Variants in NDUFS3 observed in about 807,000 individuals in gnomAD.
The protein encoded by NDUFS3 is NADH dehydrogenase [ubiquinone] iron-sulfur protein 3, mitochondrial.
A neutral mutation model predicts 30.8 loss-of-function variants in NDUFS3; 19 were observed. The observed-to-expected ratio is 0.62, with a 90% confidence interval of 0.43 to 0.91. The LOEUF (loss-of-function observed/expected upper bound fraction) is 0.91, where lower values mean the gene tolerates loss of function less well. Ranked by LOEUF, NDUFS3 falls within the 40% of genes least tolerant of loss-of-function variation. The pLI is 0.00. For synonymous variants in NDUFS3, 153 were observed against 135.8 expected (o/e 1.13, Z -0.88); for missense variants, 331 against 342.0 (o/e 0.97, Z 0.25).
Position 47,579,079 on chromosome 11 carries a change from G to A in NDUFS3, c.-13G>A. The A allele has an allele frequency of 1.3e-6, 2 of 1,558,464 alleles. No individual in the cohort carries two copies. The highest frequency in any genetic ancestry group is 8.7e-7 in the Non-Finnish European group (1 of 1,152,358). On this transcript the variant is annotated 5_prime_UTR_variant, in exon 1 of 7. Transcript: ENST00000263774. ...TGTCTTTCCGTCCGCTGCCTAGTCT[G>A]CATCTGAGTAACATGGCGGCGGCGG...
rs1168431410 is a variant in NDUFS3 at position 47,579,167 on chromosome 11, G to T, written c.67+9G>T. On this transcript the variant is annotated intron_variant, in intron 1 of 6. Transcript: ENST00000263774. ...CTCGGCGCTGACCAGGGGTGAGCAC[G>T]GGCAGCCAGCTGAGACCGGGGTCAG... The T allele has an allele frequency of 6.2e-7, 1 of 1,611,550 alleles. No homozygotes were observed. Among genetic ancestry groups the T allele is most frequent in the Non-Finnish European group, 8.5e-7 (1 of 1,179,198 alleles).
chr11:47,584,432 C>T lies in NDUFS3; in HGVS notation c.746C>T (p.Pro249Leu), dbSNP rs9600. ...WEAFPVYRQP[P>L]ESLKLEAGDK... ...GCTTTCCCAGTCTATCGCCAACCCC[C>T]GGAGAGTCTCAAGCTTGAAGCCGGA... The change falls in exon 7 of 7, where the codon CCG (proline) becomes CTG (leucine). Residue 249 changes from proline to leucine, a missense_variant. By Grantham distance (98) the Pro-to-Leu change is moderately conservative. Transcript: ENST00000263774. 2.7e-5 allele frequency: 43 copies of T among 1,613,982 alleles called. No homozygotes were observed. In the African/African-American group the frequency reaches 3.1e-4, roughly 12 times the overall value.
chr11:47,583,649 C>A (rs192143465), intron 6 of NDUFS3, among the ~76,000 whole-genome samples: 1 of 152,294 alleles, frequency 6.6e-6, no homozygotes, highest in Non-Finnish European at 1.5e-5. Context: ...ATGTGGTGCT[C>A]CAGCCCTGCT....
intron 6 of NDUFS3, among the ~76,000 whole-genome samples, chr11:47,583,710 T>C (rs539796624): frequency 9.2e-5 from 14 of 152,196 alleles, no homozygotes; most frequent in Non-Finnish European, 1.3e-4. Flanking sequence ...ATGCTCCTAT[T>C]TCCCTCTTGG....
At chr11:47,581,257 G>A (rs2097268674) in intron 4 of NDUFS3, 2 of 425,338 alleles carry the variant, frequency 4.7e-6, no homozygotes, top group African/African-American at 2.0e-5. Flanking sequence ...AGGTTCAAGC[G>A]ATTCCCCTGC....
chr11:47,580,808 C>G (rs2097268363), intron 3 of NDUFS3, 27 bp from the exon 4 acceptor site: 1 of 1,614,120 alleles, frequency 6.2e-7, no homozygotes, highest in East Asian at 2.2e-5. Flanking sequence ...CTCTTTGTTC[C>G]CTCTCCCCTC....
At chr11:47,584,181 A>C (rs1369791177) in intron 6 of NDUFS3, 133 bp from the exon 7 acceptor site, 2 of 1,167,412 alleles carry the variant, frequency 1.7e-6, no homozygotes, top group Non-Finnish European at 2.6e-6. Context: ...ACTTACTGAC[A>C]GAGGCTGGGA....
rs747180028 is a variant in NDUFS3, at chr11:47,582,461, A to G, written c.620A>G (p.Tyr207Cys). The change falls in exon 6 of 7, where the codon TAT becomes TGT. Residue 207 changes from tyrosine to cysteine, a missense_variant. Coordinates refer to ENST00000263774, the MANE Select transcript of NDUFS3 (RefSeq NM_004551.3). ...CGGAAAGACTTTCCTCTATCTGGCT[A>G]TGTTGAGGTAGGAGCCTTGGAACTG... ...PFRKDFPLSG[Y>C]VELRYDDEVK... is the part of the protein sequence containing the mutation. 4.3e-5 allele frequency: 69 copies of G among 1,614,046 alleles called. No homozygotes were observed. The highest frequency in any genetic ancestry group is 1.6e-4 in the Middle Eastern group (1 of 6,076).
In NDUFS3 at chr11:47,579,096, C is replaced by T. The variant is rs775647796; in HGVS notation, c.5C>T (p.Ala2Val). Residue 2 changes from alanine to valine, a missense_variant, in exon 1 of 7, where the codon GCG (alanine) becomes GTG (valine). Transcript: ENST00000263774. M[A>V]AAAVARLWWR... ...CCTAGTCTGCATCTGAGTAACATGG[C>T]GGCGGCGGCGGTAGCCAGGCTGTGG... The T allele has an allele frequency of 1.3e-6, 2 of 1,566,366 alleles. No individual in the cohort carries two copies. The highest frequency in any genetic ancestry group is 1.2e-5 in the South Asian group (1 of 86,734).
In NDUFS3 at chr11:47,584,381, A is replaced by C; in HGVS notation, c.695A>C (p.Lys232Thr). 1 of 1,614,112 alleles carries C rather than the reference A, an allele frequency of 6.2e-7. No individual in the cohort carries two copies. ...GTGGAGTTGGCCCAAGAGTTCCGCA[A>C]ATTTGACCTGAACAGCCCCTGGGAG... ...EPVELAQEFRKFDLNSPWEAF... is the reference protein window; with the variant it reads ...EPVELAQEFRTFDLNSPWEAF... Residue 232 changes from lysine (K) to threonine (T), a missense_variant, in exon 7 of 7, where the codon AAA becomes ACA. Transcript: ENST00000263774.
rs763221557 is a variant in NDUFS3, at chr11:47,579,075, G to C, written c.-17G>C. 58 of 1,556,534 alleles carry C rather than the reference G, an allele frequency of 3.7e-5. No homozygotes were observed. The highest frequency in any genetic ancestry group is 4.9e-5 in the Non-Finnish European group (56 of 1,151,214). On this transcript the variant is annotated 5_prime_UTR_variant, in exon 1 of 7. Transcript: ENST00000263774. ...CTGCTGTCTTTCCGTCCGCTGCCTA[G>C]TCTGCATCTGAGTAACATGGCGGCG...
rs780366880 is a variant in NDUFS3, at chr11:47,581,161, T to G, written c.381+177T>G. 6.3e-5 allele frequency: 43 copies of G among 677,724 alleles called. 1 individual carries two copies. The highest frequency in any genetic ancestry group is 4.3e-4 in the Middle Eastern group (1 of 2,324). 42.0% of individuals were successfully genotyped at this position (677,724 alleles called of 1,614,324 possible). A position where few individuals can be genotyped will look rare whatever the true frequency, so the allele number is the denominator to read the frequency against. On this transcript the variant is annotated intron_variant, in intron 4 of 6. Coordinates refer to ENST00000263774, the MANE Select transcript of NDUFS3 (RefSeq NM_004551.3). ...AGATAACTCAAATATTTTGTTTAAT[T>G]TTTTTTTTTTTTAGACGGAATCTTG...
At chr11:47,584,147 C>T (rs1267735959) in intron 6 of NDUFS3, among the ~76,000 whole-genome samples, 167 bp from the exon 7 acceptor site, 3 of 152,012 alleles carry the variant, frequency 2.0e-5, no homozygotes, top group Admixed American at 6.6e-5. Flanking sequence ...TGTGATCTGA[C>T]GGGTAACACA....
intron 2 of NDUFS3, chr11:47,579,613 GTAA>G (rs2097266938): frequency 3.4e-6 from 2 of 581,856 alleles, no homozygotes; most frequent in Non-Finnish European, 6.1e-6. Flanking sequence ...TCAGAGCCCT[GTAA>G]TAATAGTACC....
At chr11:47,579,417 C>T in intron 2 of NDUFS3, 83 bp downstream of exon 2, 1 of 1,542,824 alleles carries the variant, frequency 6.5e-7, no homozygotes, top group Non-Finnish European at 8.9e-7. Flanking sequence ...ATGCCCTTCC[C>T]TACGTCCTCC....
intron 6 of NDUFS3, among the ~76,000 whole-genome samples, chr11:47,582,717 T>C (rs1230944612): frequency 1.3e-5 from 2 of 152,206 alleles, no homozygotes; most frequent in Non-Finnish European, 2.9e-5. Flanking sequence ...CATTAAATAA[T>C]GTATGTGTAG....
chr11:47,582,324 CTGTT>C, intron 5 of NDUFS3, 21 bp from the exon 6 acceptor site: 1 of 1,614,186 alleles, frequency 6.2e-7, no homozygotes. Context: ...GATGGATTGG[CTGTT>C]TGAGGTGGTC....
At position 47,584,549 on chromosome 11, in the gene NDUFS3, C is replaced by A; in HGVS notation, c.*68C>A. 1 of 1,578,358 alleles carries A rather than the reference C, an allele frequency of 6.3e-7. No homozygotes were observed. The highest frequency in any genetic ancestry group is 1.3e-5 in the African/African-American group (1 of 74,272). ...GATTGAGTGTCCGTGTAAATAAATTCCTACTTAGACTTACCACTTTGTGTG... is the reference window on the plus strand; with the variant it reads ...GATTGAGTGTCCGTGTAAATAAATTACTACTTAGACTTACCACTTTGTGTG... On this transcript the variant is annotated 3_prime_UTR_variant, in exon 7 of 7. Transcript: ENST00000263774.
At chr11:47,583,356 T>G (rs1191039111) in intron 6 of NDUFS3, among the ~76,000 whole-genome samples, 2 of 152,050 alleles carry the variant, frequency 1.3e-5, no homozygotes, top group African/African-American at 2.4e-5. Flanking sequence ...CTGGCCAGTG[T>G]TATCCATTAT....
Sources: gnomAD v4.1 joint callset for allele counts (sites outside exome capture counted in the v4.1 genomes callset) on GRCh38, gnomAD v4.1.1 for gene constraint, MANE v1.5 for transcripts, NCBI Gene and HGNC (gene_info 2026-07-23, HGNC 2026-07-21) for gene names.